The following AGBL4 variants were observed in gnomAD, a reference collection of about 807,000 sequenced individuals.
AGBL4 encodes the protein cytosolic carboxypeptidase 6.
Under a neutral mutation model 66.4 loss-of-function variants are expected in AGBL4, and 58 were observed. The ratio of observed to expected loss-of-function variants is 0.87; its 90% CI spans 0.71 to 1.09. AGBL4 has a LOEUF of 1.09. Ranked by LOEUF, AGBL4 falls within the 50% of genes least tolerant of loss-of-function variation. The probability of loss-of-function intolerance (pLI) is 0.00; values close to 1 mark genes in which losing one functional copy is unlikely to be tolerated. For synonymous variants in AGBL4, 234 were observed against 222.9 expected (o/e 1.05, Z -0.44); for missense variants, 579 against 631.0 (o/e 0.92, Z 0.88).
Position 50,023,850 on chromosome 1 carries a change from G to C in AGBL4, c.-54C>G. The C allele has an allele frequency of 6.5e-7, 1 of 1,534,186 alleles. No individual in the cohort carries two copies. ...CGCGAAGACCGCGGGGCAGTAGGGA[G>C]CGGGTGGTGGGATCAGTGGGCTGAC... On this transcript the variant is annotated 5_prime_UTR_variant, in exon 1 of 14. Coordinates refer to ENST00000371839, the MANE Select transcript of AGBL4 (RefSeq NM_032785.4).
intron 5 of AGBL4, among the ~76,000 whole-genome samples, chr1:48,887,301 T>C (rs1650461767): frequency 6.6e-6 from 1 of 152,108 alleles, no homozygotes; most frequent in African/African-American, 2.4e-5. Flanking sequence ...GACTTTTATT[T>C]CTGAGACAAC....
intron 3 of AGBL4, among the ~76,000 whole-genome samples, chr1:49,308,409 A>G (rs1014594620): frequency 1.3e-5 from 2 of 152,154 alleles, no homozygotes; most frequent in Non-Finnish European, 2.9e-5. Context: ...TTTCACTGTA[A>G]GTCACCAGAG....
At chr1:49,527,821 T>C (rs1400842352) in intron 3 of AGBL4, among the ~76,000 whole-genome samples, 1 of 152,076 alleles carries the variant, frequency 6.6e-6, no homozygotes, top group East Asian at 1.9e-4. Flanking sequence ...AGAAATACTT[T>C]CAGACTTGCT....
intron 2 of AGBL4, among the ~76,000 whole-genome samples, chr1:49,723,804 C>T (rs1648794124): frequency 6.6e-6 from 1 of 152,060 alleles, no homozygotes; most frequent in East Asian, 1.9e-4. Flanking sequence ...ACTCACCAAC[C>T]CATGTAACTT....
chr1:49,947,979 A>T (rs1432787927), intron 1 of AGBL4, among the ~76,000 whole-genome samples: 9 of 95,220 alleles, frequency 9.5e-5, no homozygotes, highest in Middle Eastern at 4.3e-3. Context: ...TATATTTATA[A>T]ATATATATTT....
chr1:49,709,832 A>G (rs575239658), intron 2 of AGBL4, among the ~76,000 whole-genome samples: 3 of 152,238 alleles, frequency 2.0e-5, no homozygotes, highest in Non-Finnish European at 4.4e-5. Flanking sequence ...GCAAACAAAC[A>G]TATGAAAAAA....
intron 1 of AGBL4, among the ~76,000 whole-genome samples, chr1:49,886,928 T>A (rs994389140): frequency 6.6e-6 from 1 of 152,054 alleles, no homozygotes; most frequent in African/African-American, 2.4e-5. Flanking sequence ...TTCAAAGAGT[T>A]CCAGCACAAT....
At chr1:49,805,492 G>C (rs1037995217) in intron 2 of AGBL4, among the ~76,000 whole-genome samples, 1 of 152,110 alleles carries the variant, frequency 6.6e-6, no homozygotes. Flanking sequence ...TTTAAAGATA[G>C]AAGAAATAAC....
At position 49,657,743 on chromosome 1, in the gene AGBL4, G is replaced by A. The variant is rs375075262; in HGVS notation, c.282+39570C>T. On this transcript the variant is annotated intron_variant, in intron 3 of 13. Transcript: ENST00000371839. ...TCTGATCTTTGACAAACCTGACAAA[G>A]ACAAGCAATGGGGAAAGGATTCCCT... Among the ~76,000 whole-genome samples the A allele has an allele frequency of 3.9e-5, 6 of 151,954 alleles. No individual in the cohort carries two copies. In the East Asian group the frequency reaches 7.7e-4, roughly 20 times the overall value.
chr1:48,728,650 C>T (rs897710922), intron 6 of AGBL4, among the ~76,000 whole-genome samples: 2 of 152,152 alleles, frequency 1.3e-5, no homozygotes, highest in Non-Finnish European at 2.9e-5. Context: ...CAATTAAAAA[C>T]ACTCTGGCAC....
intron 6 of AGBL4, among the ~76,000 whole-genome samples, chr1:48,794,626 T>G (rs1018428742): frequency 1.3e-5 from 2 of 152,232 alleles, no homozygotes; most frequent in African/African-American, 4.8e-5. Flanking sequence ...CTGTTGACCT[T>G]GCCTTTTTCC....
At chr1:49,144,674 A>G (rs945479124) in intron 4 of AGBL4, among the ~76,000 whole-genome samples, 1 of 152,180 alleles carries the variant, frequency 6.6e-6, no homozygotes, top group African/African-American at 2.4e-5. Context: ...CCAGAAATAG[A>G]CAATGATAAT....
chr1:49,511,523 T>C (rs1208131300), intron 3 of AGBL4, among the ~76,000 whole-genome samples: 4 of 150,696 alleles, frequency 2.7e-5, no homozygotes, highest in African/African-American at 9.7e-5. Flanking sequence ...AGTTAGTGGG[T>C]GCAGCACACC....
chr1:49,772,810 T>C (rs1304235905), intron 2 of AGBL4, among the ~76,000 whole-genome samples: 1 of 152,202 alleles, frequency 6.6e-6, no homozygotes, highest in Admixed American at 6.5e-5. Context: ...GATTAAAATG[T>C]GCCTTAAAGA....
At chr1:49,889,597 A>C (rs1360353511) in intron 1 of AGBL4, among the ~76,000 whole-genome samples, 1 of 152,020 alleles carries the variant, frequency 6.6e-6, no homozygotes, top group Non-Finnish European at 1.5e-5. Flanking sequence ...TCTACTAAAA[A>C]TACAAAAAAA....
At chr1:49,119,394 T>G (rs1308273195) in intron 4 of AGBL4, among the ~76,000 whole-genome samples, 2 of 152,236 alleles carry the variant, frequency 1.3e-5, no homozygotes, top group African/African-American at 4.8e-5. Context: ...TCTGGTACAT[T>G]GTGTCTTTGT....
intron 6 of AGBL4, among the ~76,000 whole-genome samples, chr1:48,752,673 T>C (rs920223305): frequency 6.6e-6 from 1 of 152,174 alleles, no homozygotes; most frequent in Non-Finnish European, 1.5e-5. Flanking sequence ...CTTCAAATGA[T>C]TCTATATCTT....
intron 4 of AGBL4, among the ~76,000 whole-genome samples, chr1:49,117,573 G>T (rs1419268935): frequency 6.6e-6 from 1 of 152,088 alleles, no homozygotes. Flanking sequence ...TGTTGCATTA[G>T]TCTATATATC....
intron 5 of AGBL4, among the ~76,000 whole-genome samples, chr1:48,975,381 C>T (rs1452560628): frequency 1.3e-5 from 2 of 152,032 alleles, no homozygotes; most frequent in South Asian, 2.1e-4. Flanking sequence ...TGGTTTGGAC[C>T]TTATGACCCA....
Sources: gnomAD v4.1 joint callset for allele counts (sites outside exome capture counted in the v4.1 genomes callset) on GRCh38, gnomAD v4.1.1 for gene constraint, MANE v1.5 for transcripts, NCBI Gene and HGNC (gene_info 2026-07-23, HGNC 2026-07-21) for gene names.